Variants in ADK observed in about 807,000 individuals in gnomAD.
ADK encodes the protein adenosine kinase.
Under a neutral mutation model 44.7 loss-of-function variants are expected in ADK, and 24 were observed. The ratio of observed to expected loss-of-function variants is 0.54; its 90% CI spans 0.39 to 0.76. ADK has a LOEUF of 0.76. Among genes scored for constraint, ADK ranks in the 30% least tolerant of loss-of-function variants. The pLI is 0.00. For missense variants in ADK, 321 were observed against 425.1 expected (o/e 0.76, Z 2.15); for synonymous variants, 128 against 142.6 (o/e 0.90, Z 0.73).
At chr10:74,200,234 A>G (rs1298221587) in intron 1 of ADK, among the ~76,000 whole-genome samples, 3 of 133,094 alleles carry the variant, frequency 2.3e-5, no homozygotes, top group Non-Finnish European at 4.6e-5. Flanking sequence ...CTGTAATCCC[A>G]GCATTTTGGG....
At chr10:74,321,210 G>A (rs1330942021) in intron 4 of ADK, among the ~76,000 whole-genome samples, 1 of 151,906 alleles carries the variant, frequency 6.6e-6, no homozygotes, top group African/African-American at 2.4e-5. Flanking sequence ...TTTGTTAACT[G>A]GAATATAAGC....
intron 6 of ADK, among the ~76,000 whole-genome samples, chr10:74,467,447 C>T (rs904019883): frequency 6.6e-6 from 1 of 151,980 alleles, no homozygotes; most frequent in African/African-American, 2.4e-5. Context: ...GGGCTTGCTT[C>T]GTGTCTTTGA....
At chr10:74,603,145 A>T (rs1215127819) in intron 9 of ADK, among the ~76,000 whole-genome samples, 1 of 152,150 alleles carries the variant, frequency 6.6e-6, no homozygotes, top group Admixed American at 6.5e-5. Flanking sequence ...ATACTAATGG[A>T]AGATAGGGAG....
At chr10:74,455,698 CAG>C (rs1327170783) in intron 6 of ADK, among the ~76,000 whole-genome samples, 1 of 152,042 alleles carries the variant, frequency 6.6e-6, no homozygotes, top group Admixed American at 6.5e-5. Context: ...TTATTAGAGA[CAG>C]GGTTTCACCA....
intron 6 of ADK, among the ~76,000 whole-genome samples, chr10:74,407,479 A>G (rs1843990506): frequency 6.6e-6 from 1 of 152,062 alleles, no homozygotes; most frequent in Non-Finnish European, 1.5e-5. Flanking sequence ...ATTCATGTCT[A>G]CTAATTCTGT....
In ADK at chr10:74,357,459, GATTT is replaced by G. The variant is rs76123019; in HGVS notation, c.274-36681_274-36678del. On this transcript the variant is annotated intron_variant, in intron 4 of 10. Coordinates refer to ENST00000539909, the MANE Select transcript of ADK (RefSeq NM_006721.4). ...GAAGGCACACCCCACCATACCCAGTGATTTTTTTTTTTTTTTTTTTTTTAAGAGA... is the reference window on the plus strand; with the variant it reads ...GAAGGCACACCCCACCATACCCAGTGTTTTTTTTTTTTTTTTTTTAAGAGA... Among the ~76,000 whole-genome samples, 2 of 93,184 alleles carry G rather than the reference GATTT, an allele frequency of 2.1e-5. 1 individual carries two copies. 61.1% of individuals were successfully genotyped at this position (93,184 alleles called of 152,430 possible).
intron 1 of ADK, among the ~76,000 whole-genome samples, chr10:74,193,165 G>A (rs1355681452): frequency 6.6e-6 from 1 of 151,876 alleles, no homozygotes; most frequent in Non-Finnish European, 1.5e-5. Context: ...AGCTTACCTT[G>A]TCTGTGTCTT....
intron 9 of ADK, among the ~76,000 whole-genome samples, chr10:74,646,876 A>G (rs930000632): frequency 2.0e-5 from 3 of 152,248 alleles, no homozygotes; most frequent in Non-Finnish European, 2.9e-5. Context: ...AGAGCTGGCT[A>G]GTCTGAAAAG....
intron 10 of ADK, among the ~76,000 whole-genome samples, chr10:74,684,572 A>G (rs1855724460): frequency 6.6e-6 from 1 of 152,174 alleles, no homozygotes; most frequent in Non-Finnish European, 1.5e-5. Context: ...GGAGTTCAAA[A>G]TGAGCCTGGG....
intron 6 of ADK, among the ~76,000 whole-genome samples, chr10:74,450,527 C>G (rs1564729031): frequency 6.6e-6 from 1 of 152,032 alleles, no homozygotes; most frequent in East Asian, 1.9e-4. Flanking sequence ...AGAAGAGATC[C>G]AAATTTAATT....
chr10:74,165,153 A>G (rs1372113842), intron 1 of ADK, among the ~76,000 whole-genome samples: 2 of 152,174 alleles, frequency 1.3e-5, no homozygotes, highest in East Asian at 3.9e-4. Flanking sequence ...GGGGTGTGAA[A>G]GCAGCAGATT....
intron 6 of ADK, among the ~76,000 whole-genome samples, chr10:74,432,743 A>C (rs1845045597): frequency 6.6e-6 from 1 of 152,192 alleles, no homozygotes; most frequent in Non-Finnish European, 1.5e-5. Context: ...ATATATTTTG[A>C]GTACTTATAT....
At chr10:74,408,240 G>A (rs113425185) in intron 6 of ADK, among the ~76,000 whole-genome samples, 4,831 of 150,512 alleles carry the variant, frequency 0.032, 226 homozygotes, top group African/African-American at 0.099. Context: ...TGATCCACCC[G>A]CCTTGGACTC....
chr10:74,217,517 G>C (rs1338001022), intron 2 of ADK, among the ~76,000 whole-genome samples: 3 of 152,226 alleles, frequency 2.0e-5, no homozygotes, highest in African/African-American at 4.8e-5. Context: ...GAAGAGAGCA[G>C]TGGTTCTCCC....
intron 9 of ADK, among the ~76,000 whole-genome samples, chr10:74,663,338 C>T (rs1036108872): frequency 2.0e-5 from 3 of 151,370 alleles, no homozygotes; most frequent in African/African-American, 7.3e-5. Context: ...ATGTTGGCCT[C>T]ATAAAAGCAG....
chr10:74,478,306 A>G (rs1266160337), intron 6 of ADK, among the ~76,000 whole-genome samples: 1 of 151,986 alleles, frequency 6.6e-6, no homozygotes, highest in African/African-American at 2.4e-5. Flanking sequence ...TGCAGCCTCA[A>G]CCTCCTAGGA....
intron 2 of ADK, among the ~76,000 whole-genome samples, chr10:74,223,988 C>T (rs1844426315): frequency 6.6e-6 from 1 of 152,094 alleles, no homozygotes; most frequent in South Asian, 2.1e-4. Context: ...TCTGGGGAGG[C>T]TGAGACAGGA....
intron 9 of ADK, among the ~76,000 whole-genome samples, chr10:74,633,007 A>G (rs1853495013): frequency 6.6e-6 from 1 of 152,184 alleles, no homozygotes; most frequent in African/African-American, 2.4e-5. Context: ...TCTAATCTAA[A>G]TATTCAGCCA....
chr10:74,197,413 CT>C (rs1843196558), intron 1 of ADK, among the ~76,000 whole-genome samples: 1 of 152,096 alleles, frequency 6.6e-6, no homozygotes, highest in Admixed American at 6.6e-5. Context: ...AGAACTGAGA[CT>C]TGGGCTGGGC....
Sources: gnomAD v4.1 joint callset for allele counts (sites outside exome capture counted in the v4.1 genomes callset) on GRCh38, gnomAD v4.1.1 for gene constraint, MANE v1.5 for transcripts, NCBI Gene and HGNC (gene_info 2026-07-23, HGNC 2026-07-21) for gene names.